DLG2: variants seen among roughly 807,000 people sequenced by gnomAD.
The protein encoded by DLG2 is disks large homolog 2.
In DLG2, 45 loss-of-function variants were observed where a neutral mutation model predicts 132.5. That is an observed-to-expected ratio of 0.34 (90% CI 0.27 to 0.44). The LOEUF (loss-of-function observed/expected upper bound fraction) is 0.44. Ranked by LOEUF, DLG2 falls within the 20% of genes least tolerant of loss-of-function variation. The pLI is 1.00. For synonymous variants in DLG2, 424 were observed against 419.6 expected (o/e 1.01, Z -0.13); for missense variants, 1,045 against 1,196.9 (o/e 0.87, Z 1.87).
intron 14 of DLG2, among the ~76,000 whole-genome samples, chr11:83,959,780 T>C (rs1487156411): frequency 6.6e-6 from 1 of 152,056 alleles, no homozygotes; most frequent in Non-Finnish European, 1.5e-5. Flanking sequence ...CAAATTTTGA[T>C]TCTATTTGAT....
intron 3 of DLG2, among the ~76,000 whole-genome samples, chr11:85,524,428 A>T (rs1016803584): frequency 6.6e-6 from 1 of 152,204 alleles, no homozygotes; most frequent in African/African-American, 2.4e-5. Flanking sequence ...GAAAATTTTT[A>T]AAATTAAACA....
chr11:83,914,164 G>A (rs1357595089), intron 15 of DLG2, among the ~76,000 whole-genome samples: 1 of 152,024 alleles, frequency 6.6e-6, no homozygotes, highest in Admixed American at 6.6e-5. Context: ...TGGTTGTGGG[G>A]GCAGATCTCT....
At chr11:85,233,610 A>G (rs180796267) in intron 4 of DLG2, among the ~76,000 whole-genome samples, 8 of 151,990 alleles carry the variant, frequency 5.3e-5, no homozygotes, top group Admixed American at 2.6e-4. Flanking sequence ...TAAAGGGGAC[A>G]GTGTTGGCAA....
chr11:84,310,189 G>A (rs1432561907), intron 7 of DLG2, among the ~76,000 whole-genome samples: 1 of 152,136 alleles, frequency 6.6e-6, no homozygotes, highest in African/African-American at 2.4e-5. Flanking sequence ...GGTCTCCTTA[G>A]GGTATTTTAC....
intron 6 of DLG2, among the ~76,000 whole-genome samples, chr11:84,763,515 T>C (rs960734345): frequency 1.3e-5 from 2 of 152,198 alleles, no homozygotes; most frequent in Non-Finnish European, 2.9e-5. Flanking sequence ...ACCCCTCTGA[T>C]TGATGCTCTG....
At chr11:85,037,912 G>A (rs137937735) in intron 6 of DLG2, among the ~76,000 whole-genome samples, 1 of 152,040 alleles carries the variant, frequency 6.6e-6, no homozygotes, top group African/African-American at 2.4e-5. Context: ...TGAGTATGTG[G>A]CATATTGGAA....
At chr11:84,182,093 A>G (rs2096146971) in intron 8 of DLG2, among the ~76,000 whole-genome samples, 1 of 152,198 alleles carries the variant, frequency 6.6e-6, no homozygotes, top group African/African-American at 2.4e-5. Context: ...TCAAACTTAC[A>G]TGAAACAGTC....
At chr11:84,119,654 A>T (rs1397882610) in intron 9 of DLG2, among the ~76,000 whole-genome samples, 3 of 152,056 alleles carry the variant, frequency 2.0e-5, no homozygotes, top group African/African-American at 7.2e-5. Context: ...ATTTTTACCT[A>T]CTTTTTACCT....
chr11:85,203,283 A>G (rs2081603619), intron 4 of DLG2, among the ~76,000 whole-genome samples: 1 of 151,706 alleles, frequency 6.6e-6, no homozygotes, highest in Non-Finnish European at 1.5e-5. Flanking sequence ...ACAAACCTGT[A>G]GCTAGATTAA....
intron 6 of DLG2, among the ~76,000 whole-genome samples, chr11:85,007,501 A>G (rs1416507572): frequency 1.3e-5 from 2 of 151,474 alleles, no homozygotes; most frequent in Admixed American, 1.3e-4. Context: ...TCTACTAAAA[A>G]AAAACACAAA....
At chr11:85,208,290 CTGAA>C (rs1301414037) in intron 4 of DLG2, among the ~76,000 whole-genome samples, 5 of 152,200 alleles carry the variant, frequency 3.3e-5, no homozygotes, top group East Asian at 1.9e-4. Context: ...GACAAAATGA[CTGAA>C]TGAATGATGA....
intron 15 of DLG2, among the ~76,000 whole-genome samples, chr11:83,892,227 C>T (rs920191990): frequency 1.3e-5 from 2 of 152,176 alleles, no homozygotes; most frequent in African/African-American, 4.8e-5. Context: ...AAGAGCCCAA[C>T]ATGATAAATG....
intron 6 of DLG2, among the ~76,000 whole-genome samples, chr11:84,754,067 G>A (rs2066533539): frequency 6.6e-6 from 1 of 151,960 alleles, no homozygotes; most frequent in Non-Finnish European, 1.5e-5. Context: ...AAGAAGAGGA[G>A]GTAAGAAAAC....
chr11:84,893,235 G>A (rs1238439646), intron 6 of DLG2, among the ~76,000 whole-genome samples: 1 of 152,136 alleles, frequency 6.6e-6, no homozygotes, highest in Non-Finnish European at 1.5e-5. Flanking sequence ...AAGGGGATGT[G>A]CCCATCTGGT....
chr11:84,796,442 G>C (rs558365411), intron 6 of DLG2, among the ~76,000 whole-genome samples: 3 of 152,306 alleles, frequency 2.0e-5, no homozygotes, highest in Non-Finnish European at 4.4e-5. Context: ...CACAGTTGCA[G>C]TGTTATAATA....
chr11:83,877,088 G>A (rs1461153552), intron 15 of DLG2, among the ~76,000 whole-genome samples: 1 of 151,944 alleles, frequency 6.6e-6, no homozygotes, highest in Non-Finnish European at 1.5e-5. Flanking sequence ...CTTGATTTAT[G>A]TTATTAATTA....
chr11:84,298,941 T>A (rs1436532052), intron 7 of DLG2, among the ~76,000 whole-genome samples: 1 of 152,178 alleles, frequency 6.6e-6, no homozygotes, highest in African/African-American at 2.4e-5. Flanking sequence ...CTTGAATGCT[T>A]TGCTAGGGAA....
intron 3 of DLG2, among the ~76,000 whole-genome samples, chr11:85,549,180 A>G (rs1281995191): frequency 6.6e-6 from 1 of 152,180 alleles, no homozygotes; most frequent in African/African-American, 2.4e-5. Flanking sequence ...AAAGCATAGT[A>G]TCTGGGCTGG....
intron 7 of DLG2, among the ~76,000 whole-genome samples, chr11:84,428,463 A>G (rs1055921754): frequency 6.6e-6 from 1 of 152,180 alleles, no homozygotes; most frequent in Admixed American, 6.5e-5. Flanking sequence ...TTATTTTATC[A>G]CAGTTCTGGA....
Sources: gnomAD v4.1 joint callset for allele counts (sites outside exome capture counted in the v4.1 genomes callset) on GRCh38, gnomAD v4.1.1 for gene constraint, MANE v1.5 for transcripts, NCBI Gene and HGNC (gene_info 2026-07-23, HGNC 2026-07-21) for gene names.